QSER1: variants seen among roughly 807,000 people sequenced by gnomAD.
QSER1 encodes the protein glutamine and serine-rich protein 1.
Under a neutral mutation model 158.5 loss-of-function variants are expected in QSER1, and 49 were observed. The ratio of observed to expected loss-of-function variants is 0.31; its 90% CI spans 0.25 to 0.39. The LOEUF (loss-of-function observed/expected upper bound fraction) is 0.39. QSER1 is among the 10% of genes least tolerant of loss of function. The pLI, the probability that QSER1 is intolerant of heterozygous loss-of-function variation, is 1.00. For synonymous variants in QSER1, 650 were observed against 715.5 expected, an observed-to-expected ratio of 0.91 and a Z score of 1.46; for missense variants, 1,754 against 2,010.3, an observed-to-expected ratio of 0.87 and a Z score of 2.44.
chr11:32,976,238 G>A (rs1320629346), intron 12 of QSER1, 96 bp from the exon 13 acceptor site: 1 of 1,078,934 alleles, frequency 9.3e-7, no homozygotes, highest in African/African-American at 1.7e-5. Context: ...ATTCTCCATG[G>A]ATAGGATTAA....
intron 1 of QSER1, among the ~76,000 whole-genome samples, chr11:32,894,497 G>A (rs1190347316): frequency 6.6e-6 from 1 of 152,136 alleles, no homozygotes; most frequent in Non-Finnish European, 1.5e-5. Flanking sequence ...TATTTTTCAC[G>A]ACAGAAGTGA....
chr11:32,913,832 C>G (rs1327687375), intron 1 of QSER1, among the ~76,000 whole-genome samples: 3 of 152,124 alleles, frequency 2.0e-5, no homozygotes, highest in Non-Finnish European at 4.4e-5. Context: ...AACTAATTGT[C>G]TGTGTGGCTA....
At chr11:32,964,717 CAT>C (rs375985842) in intron 8 of QSER1, among the ~76,000 whole-genome samples, 793 of 64,252 alleles carry the variant, frequency 0.012, 42 homozygotes, top group African/African-American at 0.048. Context: ...AAAAAAACAC[CAT>C]ATATATATAT....
intron 7 of QSER1, among the ~76,000 whole-genome samples, chr11:32,957,134 C>CTTTCTTTTTTTTT (rs1852529932): frequency 7.8e-6 from 1 of 127,874 alleles, no homozygotes; most frequent in Admixed American, 7.9e-5. Context: ...CTTTTTTTTT[C>CTTTCTTTTTTTTT]TTTTTTTTTT....
chr11:32,969,192 C>A, intron 10 of QSER1, 49 bp downstream of exon 10: 1 of 1,049,320 alleles, frequency 9.5e-7, no homozygotes, highest in South Asian at 1.4e-5. Context: ...CAGTCATAGT[C>A]TTAAGTATAA....
Position 32,974,710 on chromosome 11 carries a change from C to T in QSER1, c.5359-538C>T, listed in dbSNP as rs555544038. Among the ~76,000 whole-genome samples, 5 of 152,266 alleles carry T rather than the reference C, an allele frequency of 3.3e-5. No individual in the cohort carries two copies. The East Asian group carries it at 9.6e-4, about 29-fold the overall frequency. On this transcript the variant is annotated intron_variant, in intron 11 of 12. Transcript: ENST00000650167. The stretch of plus-strand genomic sequence containing the variant: ...AAAACTGGTTAAAAGTCCTTACCCT[C>T]ATATAGTTTGTATTTGGGGAGGATG...
intron 3 of QSER1, among the ~76,000 whole-genome samples, chr11:32,930,330 G>T (rs1474664273): frequency 6.6e-6 from 1 of 152,090 alleles, no homozygotes; most frequent in Admixed American, 6.5e-5. Flanking sequence ...TTCTAGTTCA[G>T]TGTATTATTT....
At chr11:32,954,350 A>G (rs1479224979) in intron 5 of QSER1, among the ~76,000 whole-genome samples, 171 bp downstream of exon 5, 1 of 152,266 alleles carries the variant, frequency 6.6e-6, no homozygotes, top group Non-Finnish European at 1.5e-5. Flanking sequence ...ATCATTGAAG[A>G]TAATTTTAAC....
rs1271429087 is a variant in QSER1 at position 32,932,874 on chromosome 11, A to G, written c.1616A>G (p.Tyr539Cys). The G allele has an allele frequency of 6.2e-7, 1 of 1,614,116 alleles. No individual in the cohort carries two copies. Among genetic ancestry groups the G allele is most frequent in the Non-Finnish European group, 8.5e-7 (1 of 1,180,012 alleles). ...TTGTCTTCAGTTACAAATGAGAATT[A>G]CCCTGCTCAAACAAGAGATCTGTCT... ...EVLSSVTNENYPAQTRDLSSV... is the reference protein window; with the variant it reads ...EVLSSVTNENCPAQTRDLSSV... The change falls in exon 4 of 13, where the codon TAC becomes TGC. Residue 539 changes from tyrosine to cysteine, a missense_variant. Tyr to Cys is a radical substitution (Grantham distance 194). This residue lies in a region of QSER1 where 1,707 missense variants were observed against 1,919.6 expected (regional missense o/e 0.89). Transcript: ENST00000650167.
intron 11 of QSER1, 108 bp downstream of exon 11, chr11:32,973,657 T>C (rs1407439320): frequency 8.9e-7 from 1 of 1,119,132 alleles, no homozygotes; most frequent in East Asian, 2.5e-5. Context: ...TCATTAAGTG[T>C]GAAGGTTTTT....
intron 7 of QSER1, among the ~76,000 whole-genome samples, chr11:32,956,983 T>C (rs544101970): frequency 3.1e-3 from 474 of 152,226 alleles, no homozygotes; most frequent in Non-Finnish European, 5.7e-3. Flanking sequence ...CAGGCTGGTC[T>C]TGAACTCTTG....
chr11:32,972,303 A>G (rs1274918134), intron 10 of QSER1, among the ~76,000 whole-genome samples: 1 of 152,142 alleles, frequency 6.6e-6, no homozygotes, highest in Non-Finnish European at 1.5e-5. Context: ...GTCATAATCA[A>G]ACTAGTTAAA....
intron 8 of QSER1, among the ~76,000 whole-genome samples, chr11:32,965,040 T>G (rs1852713288): frequency 6.6e-6 from 1 of 152,034 alleles, no homozygotes; most frequent in South Asian, 2.1e-4. Flanking sequence ...AATGTCATAG[T>G]TCTTTCCATT....
At chr11:32,929,279 T>G (rs1852014607) in intron 3 of QSER1, among the ~76,000 whole-genome samples, 1 of 152,100 alleles carries the variant, frequency 6.6e-6, no homozygotes, top group Admixed American at 6.5e-5. Context: ...GCCCAGCTAA[T>G]TTTTACATTT....
At chr11:32,917,238 G>C (rs963852818) in intron 1 of QSER1, among the ~76,000 whole-genome samples, 1 of 152,116 alleles carries the variant, frequency 6.6e-6, no homozygotes, top group African/African-American at 2.4e-5. Context: ...ACTACATCAC[G>C]TTTTGTTTAT....
At chr11:32,937,835 C>A (rs1287090756) in intron 4 of QSER1, among the ~76,000 whole-genome samples, 3 of 152,100 alleles carry the variant, frequency 2.0e-5, no homozygotes, top group African/African-American at 4.8e-5. Context: ...AGTTGTGAAC[C>A]TTTGAACACA....
intron 1 of QSER1, among the ~76,000 whole-genome samples, chr11:32,921,600 C>CG (rs1444887587): frequency 6.6e-6 from 1 of 152,132 alleles, no homozygotes; most frequent in East Asian, 1.9e-4. Context: ...GAATTATACA[C>CG]TAAACACTAC....
Position 32,932,346 on chromosome 11 carries a change from C to G in QSER1, c.1088C>G (p.Ser363Cys). The G allele has an allele frequency of 6.2e-7, 1 of 1,612,590 alleles. No homozygotes were observed. Among genetic ancestry groups the G allele is most frequent in the East Asian group, 2.2e-5 (1 of 44,890 alleles). The change falls in exon 4 of 13, where the codon TCC becomes TGC. Residue 363 changes from serine (S) to cysteine (C), a missense_variant. Transcript: ENST00000650167. ...FQETTRQSSL[S>C]CSPIGDSTQV... ...GAAACAACCAGGCAGTCATCTTTAT[C>G]CTGTAGCCCAATTGGAGATTCCACT...
intron 1 of QSER1, among the ~76,000 whole-genome samples, chr11:32,896,052 T>C (rs1248939177): frequency 6.6e-6 from 1 of 152,254 alleles, no homozygotes; most frequent in African/African-American, 2.4e-5. Flanking sequence ...TTATTTATGC[T>C]AATTTCAGTT....
Sources: allele counts gnomAD v4.1 joint callset (sites outside exome capture counted in the v4.1 genomes callset), GRCh38; gene constraint gnomAD v4.1.1; regional missense constraint gnomAD v4.1.1; transcripts MANE v1.5; gene names NCBI Gene and HGNC (gene_info 2026-07-23, HGNC 2026-07-21).